Variants in FYTTD1 observed in about 807,000 individuals in gnomAD.
FYTTD1 encodes the protein forty-two-three domain containing 1.
In FYTTD1, 22 loss-of-function variants were observed where a neutral mutation model predicts 40.9. That is an observed-to-expected ratio of 0.54 (90% CI 0.38 to 0.77). The LOEUF (loss-of-function observed/expected upper bound fraction) is 0.77. FYTTD1 is among the 30% of genes least tolerant of loss of function. The pLI is 0.00. For missense variants in FYTTD1, 351 were observed against 392.2 expected (o/e 0.90, Z 0.89); for synonymous variants, 140 against 137.9 (o/e 1.01, Z -0.10).
rs561248342 is a variant in FYTTD1, at chr3:197,776,762, C to T, written c.657-165C>T. On this transcript the variant is annotated intron_variant, in intron 6 of 8. Transcript: ENST00000241502. ...ATAAATTAATTCAGATGCCCAGTTC[C>T]GCACCCAAGATGTTGATTTATTATA... Among the ~76,000 whole-genome samples, 11 of 151,894 alleles carry T rather than the reference C, an allele frequency of 7.2e-5. No individual in the cohort carries two copies. In the East Asian group the frequency reaches 1.7e-3, roughly 24 times the overall value.
chr3:197,761,461 TG>T (rs1297423949), intron 2 of FYTTD1, among the ~76,000 whole-genome samples: 1 of 151,986 alleles, frequency 6.6e-6, no homozygotes, highest in East Asian at 1.9e-4. Flanking sequence ...TGTTCTTCAG[TG>T]GTAGAATGTA....
intron 1 of FYTTD1, chr3:197,755,915 A>C (rs562528140): frequency 1.2e-6 from 1 of 845,442 alleles, no homozygotes; most frequent in African/African-American, 1.8e-5. Flanking sequence ...GGAAGTAGGT[A>C]GGAAAATGGA....
In FYTTD1 at chr3:197,782,898, A is replaced by G. The variant is rs1207349926; in HGVS notation, c.*989A>G. On this transcript the variant is annotated 3_prime_UTR_variant, in exon 9 of 9. Coordinates refer to ENST00000241502, the MANE Select transcript of FYTTD1 (RefSeq NM_032288.7). ...ATTTGAAGTTAAAATTTCTTATTTG[A>G]AAAGTTGAAATTTATGAGCTTTGAA... The G allele has an allele frequency of 6.6e-6, 1 of 152,654 alleles. No homozygotes were observed. Among genetic ancestry groups the G allele is most frequent in the Non-Finnish European group, 1.5e-5 (1 of 68,044 alleles). 9.5% of individuals were successfully genotyped at this position (152,654 alleles called of 1,614,324 possible).
Position 197,783,432 on chromosome 3 carries a change from A to G in FYTTD1, c.*1523A>G, listed in dbSNP as rs1040873507. On this transcript the variant is annotated 3_prime_UTR_variant, in exon 9 of 9. Coordinates refer to ENST00000241502, the MANE Select transcript of FYTTD1 (RefSeq NM_032288.7). ...TGCTTCTTGAGTTGCTTCATGGTTT[A>G]TGCTCGCCATGGAAAGCTATCAGTA... 6.6e-6 allele frequency: 1 copy of G among 152,522 alleles called. No individual in the cohort carries two copies. Among genetic ancestry groups the G allele is most frequent in the Non-Finnish European group, 1.5e-5 (1 of 68,030 alleles). The allele number at this position is 152,522 out of a possible 1,614,324, so 9.4% of individuals were successfully genotyped here. A position where few individuals can be genotyped will look rare whatever the true frequency, so the allele number is the denominator to read the frequency against.
Position 197,772,657 on chromosome 3 carries a change from G to A in FYTTD1, c.498-746G>A, listed in dbSNP as rs147697016. 5.2e-3 allele frequency among the ~76,000 whole-genome samples: 790 copies of A among 152,352 alleles called. 8 individuals carry two copies. Among genetic ancestry groups the A allele is most frequent in the African/African-American group, 0.018 (741 of 41,586 alleles). ...GAGATGAAGTCTGTGTCGCTGGGCT[G>A]GAGTGCAGTGGCGTGATCTCGGCCC... On this transcript the variant is annotated intron_variant, in intron 4 of 8. Coordinates refer to ENST00000241502, the MANE Select transcript of FYTTD1 (RefSeq NM_032288.7).
chr3:197,781,693 A>C, intron 8 of FYTTD1, 118 bp from the exon 9 acceptor site: 1 of 656,366 alleles, frequency 1.5e-6, no homozygotes, highest in East Asian at 2.8e-5. Flanking sequence ...AGGAAATTTT[A>C]GCTGTCATTA....
intron 6 of FYTTD1, among the ~76,000 whole-genome samples, chr3:197,774,892 G>C (rs1411041100): frequency 1.3e-5 from 2 of 152,214 alleles, no homozygotes; most frequent in Non-Finnish European, 2.9e-5. Context: ...TATGGAGACT[G>C]TCTCCAAAAA....
chr3:197,778,505 A>G (rs372370545), intron 8 of FYTTD1, 41 bp downstream of exon 8: 2 of 1,428,488 alleles, frequency 1.4e-6, no homozygotes. Context: ...TCATTTGCTG[A>G]GTATTTTAAT....
chr3:197,759,531 C>T (rs144209487), intron 2 of FYTTD1, among the ~76,000 whole-genome samples: 7,725 of 133,416 alleles, frequency 0.058, 578 homozygotes, highest in African/African-American at 0.19. Flanking sequence ...AGTGGTAGAA[C>T]GTATGGAGTT....
chr3:197,750,873 C>T, intron 1 of FYTTD1: 1 of 983,806 alleles, frequency 1.0e-6, no homozygotes, highest in Non-Finnish European at 1.2e-6. Flanking sequence ...TGGTTTCTTG[C>T]CGATTATATA....
intron 1 of FYTTD1, chr3:197,755,963 G>C: frequency 3.3e-6 from 2 of 606,628 alleles, no homozygotes; most frequent in South Asian, 4.0e-5. Context: ...GGAAAATGGA[G>C]GCTTCTGTGA....
At chr3:197,752,399 A>G (rs1195809476) in intron 1 of FYTTD1, among the ~76,000 whole-genome samples, 2 of 152,242 alleles carry the variant, frequency 1.3e-5, no homozygotes, top group Non-Finnish European at 2.9e-5. Context: ...GTCAGAAGGC[A>G]TATGTGAACT....
rs777223438 is a variant in FYTTD1 at position 197,782,334 on chromosome 3, A to G, written c.*425A>G. On this transcript the variant is annotated 3_prime_UTR_variant, in exon 9 of 9. Transcript: ENST00000241502. Reference sequence around the variant, plus strand: ...CTTGGTTGCTGTCACTTGCCCTTTAATAGTGTTGATGTAGTCAGTGCCGTT... The same window carrying G: ...CTTGGTTGCTGTCACTTGCCCTTTAGTAGTGTTGATGTAGTCAGTGCCGTT... 17 of 152,870 alleles carry G rather than the reference A, an allele frequency of 1.1e-4. No homozygotes were observed. The highest frequency in any genetic ancestry group is 2.2e-4 in the Non-Finnish European group (15 of 68,548). 9.5% of individuals were successfully genotyped at this position (152,870 alleles called of 1,614,324 possible). A position where few individuals can be genotyped will look rare whatever the true frequency, so the allele number is the denominator to read the frequency against.
Position 197,783,894 on chromosome 3 carries a change from T to C in FYTTD1, c.*1985T>C, listed in dbSNP as rs1359002688. On this transcript the variant is annotated 3_prime_UTR_variant, in exon 9 of 9. Transcript: ENST00000241502. ...GACATTGAGTGCATTAAATAACAAA[T>C]TATCTTTGATACATTAAACTTTTAT... 2 of 152,616 alleles carry C rather than the reference T, an allele frequency of 1.3e-5. No homozygotes were observed. The highest frequency in any genetic ancestry group is 2.9e-5 in the Non-Finnish European group (2 of 68,032). The allele number at this position is 152,616 out of a possible 1,614,324, so 9.5% of individuals were successfully genotyped here.
intron 1 of FYTTD1, among the ~76,000 whole-genome samples, chr3:197,751,095 T>C (rs922629485): frequency 6.6e-6 from 1 of 152,192 alleles, no homozygotes; most frequent in Non-Finnish European, 1.5e-5. Flanking sequence ...AGGCGTACCC[T>C]TTCCCAGGAC....
At chr3:197,751,890 G>A (rs1004113909) in intron 1 of FYTTD1, among the ~76,000 whole-genome samples, 1 of 152,034 alleles carries the variant, frequency 6.6e-6, no homozygotes, top group African/African-American at 2.4e-5. Context: ...TTAATTATTT[G>A]AGACGGAGTC....
In FYTTD1 at chr3:197,774,190, A is replaced by G; in HGVS notation, c.636A>G (p.Val212=). 3 of 1,613,972 alleles carry G rather than the reference A, an allele frequency of 1.9e-6. No individual in the cohort carries two copies. The highest frequency in any genetic ancestry group is 1.1e-5 in the South Asian group (1 of 91,078). The change falls in exon 6 of 9, where the codon GTA becomes GTG. Residue 212 remains valine (V), a synonymous_variant. Transcript: ENST00000241502. ...QLNTEQLLDD[V]VAKRTRQWRT... is the part of the protein sequence containing the mutation. Reference sequence around the variant, plus strand: ...ATACAGAACAACTGCTAGACGATGTAGTAGCAAAGAGAACTCGTCAGTAAG... The same window carrying G: ...ATACAGAACAACTGCTAGACGATGTGGTAGCAAAGAGAACTCGTCAGTAAG...
In FYTTD1 at chr3:197,768,485, A is replaced by G; in HGVS notation, c.282A>G (p.Gly94=). 6.2e-7 allele frequency: 1 copy of G among 1,612,832 alleles called. No homozygotes were observed. The highest frequency in any genetic ancestry group is 8.5e-7 in the Non-Finnish European group (1 of 1,178,956). ...SLNRRGRVMP[G]KRRPNGVITG... is the part of the protein sequence containing the mutation. ...ATCGTAGAGGAAGAGTAATGCCTGG[A>G]AAGAGACGTCCTAATGGAGTTATCA... is the stretch of plus-strand genomic sequence containing the variant. Residue 94 remains glycine, a synonymous_variant, in exon 3 of 9, where the codon GGA becomes GGG. Coordinates refer to ENST00000241502, the MANE Select transcript of FYTTD1 (RefSeq NM_032288.7).
intron 2 of FYTTD1, among the ~76,000 whole-genome samples, chr3:197,767,457 C>G (rs1474187615): frequency 8.4e-6 from 1 of 119,336 alleles, no homozygotes. Context: ...TTTTTTTTAA[C>G]TAGAAAAAAG....
Sources: allele counts gnomAD v4.1 joint callset (sites outside exome capture counted in the v4.1 genomes callset), GRCh38; gene constraint gnomAD v4.1.1; transcripts MANE v1.5; gene names NCBI Gene and HGNC (gene_info 2026-07-23, HGNC 2026-07-21).